OPCML: variants seen among roughly 807,000 people sequenced by gnomAD.
The protein encoded by OPCML is opioid-binding protein/cell adhesion molecule.
OPCML carries 13 observed loss-of-function variants against 37.8 expected under a neutral mutation model. The observed-to-expected ratio is 0.34, with a 90% CI of 0.22 to 0.55. The LOEUF is 0.55. Ranked by LOEUF, OPCML falls within the 20% of genes least tolerant of loss-of-function variation. The pLI, the probability that OPCML is intolerant of heterozygous loss-of-function variation, is 0.91. For synonymous variants in OPCML, 176 were observed against 168.8 expected (o/e 1.04, Z -0.33); for missense variants, 341 against 435.6 (o/e 0.78, Z 1.93).
At position 132,755,118 on chromosome 11, in the gene OPCML, A is replaced by C. The variant is rs1591561229; in HGVS notation, c.147-97799T>G. On this transcript the variant is annotated intron_variant, in intron 2 of 7. Coordinates refer to ENST00000524381, the MANE Select transcript of OPCML (RefSeq NM_001012393.5). Reference sequence around the variant, plus strand: ...ATAGAAAACTACTGTTTTTAGGTCAAAATGGTCTAATATTGACAATTTCCT... The same window carrying C: ...ATAGAAAACTACTGTTTTTAGGTCACAATGGTCTAATATTGACAATTTCCT... 2.0e-5 allele frequency among the ~76,000 whole-genome samples: 3 copies of C among 152,374 alleles called. No homozygotes were observed. The South Asian group carries it at 6.2e-4, about 32-fold the overall frequency.
At chr11:133,499,785 T>TAC (rs1490954637) in intron 1 of OPCML, among the ~76,000 whole-genome samples, 3 of 141,938 alleles carry the variant, frequency 2.1e-5, no homozygotes, top group East Asian at 2.0e-4. Context: ...TATATATATA[T>TAC]ATACACATAT....
chr11:133,077,517 T>C (rs1412918079), intron 1 of OPCML, among the ~76,000 whole-genome samples: 1 of 152,218 alleles, frequency 6.6e-6, no homozygotes, highest in African/African-American at 2.4e-5. Context: ...AGCTTGTCTT[T>C]GTGAACTAGA....
chr11:132,455,941 CCTCT>C lies in OPCML; in HGVS notation c.506-18586_506-18583del, dbSNP rs1388672629. On this transcript the variant is annotated intron_variant, in intron 4 of 7. Transcript: ENST00000524381. ...GACTGTCAAACTTAAGTAGTGGAATCCTCTCTCTCTCTGCCAATAAAATCCTCTA... is the reference window on the plus strand; with the variant it reads ...GACTGTCAAACTTAAGTAGTGGAATCCTCTCTCTGCCAATAAAATCCTCTA... Among the ~76,000 whole-genome samples, 4 of 152,042 alleles carry C rather than the reference CCTCT, an allele frequency of 2.6e-5. No individual in the cohort carries two copies. The East Asian group carries it at 7.7e-4, about 29-fold the overall frequency.
At chr11:132,670,241 T>C (rs1565762108) in intron 2 of OPCML, among the ~76,000 whole-genome samples, 1 of 152,036 alleles carries the variant, frequency 6.6e-6, no homozygotes, top group Admixed American at 6.5e-5. Context: ...GCTTGATATC[T>C]TTTTGAAGAA....
At chr11:133,062,112 A>T (rs899740914) in intron 1 of OPCML, among the ~76,000 whole-genome samples, 4 of 152,216 alleles carry the variant, frequency 2.6e-5, no homozygotes, top group African/African-American at 9.6e-5. Context: ...ATGTTGTGCT[A>T]ATCTCCATTA....
intron 1 of OPCML, chr11:133,008,566 T>A: frequency 2.5e-6 from 1 of 407,666 alleles, no homozygotes; most frequent in Non-Finnish European, 3.3e-6. Flanking sequence ...CTGCCCTCAG[T>A]GGACAAAAGC....
intron 1 of OPCML, among the ~76,000 whole-genome samples, chr11:133,176,106 C>T (rs1310951065): frequency 6.6e-6 from 1 of 152,152 alleles, no homozygotes; most frequent in Non-Finnish European, 1.5e-5. Flanking sequence ...CACATAATTC[C>T]ATGTACACCC....
chr11:132,862,671 C>T (rs866067984), intron 2 of OPCML, among the ~76,000 whole-genome samples: 16 of 152,178 alleles, frequency 1.1e-4, no homozygotes, highest in Middle Eastern at 3.4e-3. Flanking sequence ...ATATTTCGGA[C>T]GTGGCACTAC....
At chr11:132,767,191 A>C (rs1946473170) in intron 2 of OPCML, among the ~76,000 whole-genome samples, 1 of 152,206 alleles carries the variant, frequency 6.6e-6, no homozygotes, top group Admixed American at 6.5e-5. Context: ...GTAAAAAGCT[A>C]AAAAGGAGTT....
chr11:132,579,385 ATGTGTGTGTGTGTGTG>A (rs66467384), intron 3 of OPCML, among the ~76,000 whole-genome samples: 1 of 146,530 alleles, frequency 6.8e-6, no homozygotes, highest in African/African-American at 2.5e-5. Flanking sequence ...TAGAATGAAT[ATGTGTGTGTGTGTGTG>A]TGTGTGTGTG....
chr11:133,169,019 A>G (rs1331306649), intron 1 of OPCML, among the ~76,000 whole-genome samples: 1 of 152,196 alleles, frequency 6.6e-6, no homozygotes, highest in African/African-American at 2.4e-5. Flanking sequence ...AATCCCAGCT[A>G]CTTGGGAGGT....
At chr11:133,321,464 G>C (rs546713947) in intron 1 of OPCML, among the ~76,000 whole-genome samples, 3 of 152,184 alleles carry the variant, frequency 2.0e-5, no homozygotes, top group South Asian at 2.1e-4. Context: ...GTGTACAGGA[G>C]TCTGGGGGGA....
At chr11:132,712,827 A>G (rs1049645270) in intron 2 of OPCML, among the ~76,000 whole-genome samples, 1 of 152,182 alleles carries the variant, frequency 6.6e-6, no homozygotes, top group Non-Finnish European at 1.5e-5. Flanking sequence ...GGGAAATGAC[A>G]TGCAGTTTAC....
chr11:133,186,407 C>A (rs1163646604), intron 1 of OPCML, among the ~76,000 whole-genome samples: 1 of 149,238 alleles, frequency 6.7e-6, no homozygotes, highest in Non-Finnish European at 1.5e-5. Flanking sequence ...AAAAGCGATT[C>A]AAATTCAGGC....
At chr11:133,456,525 C>T (rs1030164566) in intron 1 of OPCML, among the ~76,000 whole-genome samples, 4 of 151,936 alleles carry the variant, frequency 2.6e-5, no homozygotes, top group African/African-American at 9.7e-5. Context: ...AAAATAATTT[C>T]CTGGCCCAAT....
At chr11:132,754,996 T>C (rs2136079580) in intron 2 of OPCML, among the ~76,000 whole-genome samples, 1 of 152,326 alleles carries the variant, frequency 6.6e-6, no homozygotes, top group Middle Eastern at 3.4e-3. Context: ...CACTAATGTG[T>C]ATTCGAAAGT....
chr11:132,905,748 C>A (rs1944218760), intron 2 of OPCML, among the ~76,000 whole-genome samples: 1 of 151,918 alleles, frequency 6.6e-6, no homozygotes, highest in South Asian at 2.1e-4. Flanking sequence ...TTCCATAAAT[C>A]CTAGTTCCAG....
At chr11:133,119,786 G>A (rs1171673033) in intron 1 of OPCML, among the ~76,000 whole-genome samples, 1 of 152,222 alleles carries the variant, frequency 6.6e-6, no homozygotes, top group South Asian at 2.1e-4. Context: ...CTCACGTGAA[G>A]TCAGGATGGG....
intron 1 of OPCML, among the ~76,000 whole-genome samples, chr11:133,353,897 T>C (rs1439319868): frequency 1.3e-5 from 2 of 152,184 alleles, no homozygotes; most frequent in Admixed American, 6.5e-5. Flanking sequence ...GTGACTTAGA[T>C]GACATCAAAA....
Sources: allele counts gnomAD v4.1 joint callset (sites outside exome capture counted in the v4.1 genomes callset), GRCh38; gene constraint gnomAD v4.1.1; transcripts MANE v1.5; gene names NCBI Gene and HGNC (gene_info 2026-07-23, HGNC 2026-07-21).